The following NCOA1 variants were observed in gnomAD, a reference collection of about 807,000 sequenced individuals.
NCOA1 encodes the protein Hin-2 protein.
Under a neutral mutation model 150.9 loss-of-function variants are expected in NCOA1, and 35 were observed. The ratio of observed to expected loss-of-function variants is 0.23; its 90% CI spans 0.18 to 0.31. The LOEUF is 0.31. Ranked by LOEUF, NCOA1 falls within the 10% of genes least tolerant of loss-of-function variation. The pLI is 1.00. For synonymous variants in NCOA1, 590 were observed against 630.0 expected (o/e 0.94, Z 0.95); for missense variants, 1,491 against 1,749.3 (o/e 0.85, Z 2.63).
chr2:24,693,373 T>C (rs1558292372), intron 10 of NCOA1, 26 bp downstream of exon 10: 2 of 1,561,452 alleles, frequency 1.3e-6, no homozygotes, highest in Admixed American at 3.3e-5. Context: ...TTCAGAATGT[T>C]CCATAGGTAT....
chr2:24,596,649 A>G (rs1368616445), intron 3 of NCOA1, among the ~76,000 whole-genome samples: 1 of 152,218 alleles, frequency 6.6e-6, no homozygotes, highest in Non-Finnish European at 1.5e-5. Context: ...ATTTAGTAAT[A>G]TAAGATGGCA....
At chr2:24,559,676 G>C (rs1461774986) in intron 1 of NCOA1, among the ~76,000 whole-genome samples, 2 of 151,736 alleles carry the variant, frequency 1.3e-5, no homozygotes, top group Admixed American at 1.3e-4. Context: ...GTAGGTCATG[G>C]ACAGGAATAT....
At chr2:24,635,390 G>A (rs1457389852) in intron 3 of NCOA1, among the ~76,000 whole-genome samples, 4 of 152,086 alleles carry the variant, frequency 2.6e-5, no homozygotes, top group African/African-American at 9.7e-5. Context: ...GCATGAGCAA[G>A]CTGTTCTGGG....
At chr2:24,681,231 GC>G (rs1243440436) in intron 7 of NCOA1, among the ~76,000 whole-genome samples, 1 of 152,116 alleles carries the variant, frequency 6.6e-6, no homozygotes, top group African/African-American at 2.4e-5. Flanking sequence ...GGGCATGGTG[GC>G]ACATGCCTGT....
intron 4 of NCOA1, among the ~76,000 whole-genome samples, chr2:24,655,665 G>A (rs1426658830): frequency 6.6e-6 from 1 of 152,118 alleles, no homozygotes; most frequent in African/African-American, 2.4e-5. Context: ...AACTTAAGGA[G>A]GACAAGACCG....
At chr2:24,755,050 C>T (rs2148685353) in intron 20 of NCOA1, among the ~76,000 whole-genome samples, 1 of 152,302 alleles carries the variant, frequency 6.6e-6, no homozygotes, top group Non-Finnish European at 1.5e-5. Context: ...GCGTATATCA[C>T]CTGGAGACAG....
chr2:24,597,937 C>T (rs1211627296), intron 3 of NCOA1, among the ~76,000 whole-genome samples: 1 of 152,162 alleles, frequency 6.6e-6, no homozygotes. Flanking sequence ...TTTCCCCCCT[C>T]CCCACAACAG....
intron 8 of NCOA1, among the ~76,000 whole-genome samples, chr2:24,690,360 A>G (rs1672603529): frequency 6.6e-6 from 1 of 152,070 alleles, no homozygotes; most frequent in Non-Finnish European, 1.5e-5. Context: ...GGGAACAGTA[A>G]AAAAGCAGCC....
chr2:24,755,701 G>A (rs1030721305), intron 20 of NCOA1, among the ~76,000 whole-genome samples: 1 of 152,200 alleles, frequency 6.6e-6, no homozygotes, highest in Admixed American at 6.5e-5. Context: ...CCCTTAATGG[G>A]AGATGCTAAA....
At chr2:24,735,038 T>G (rs1469093387) in intron 17 of NCOA1, among the ~76,000 whole-genome samples, 3 of 152,192 alleles carry the variant, frequency 2.0e-5, no homozygotes, top group African/African-American at 4.8e-5. Flanking sequence ...AAATTAAATT[T>G]GATCCTCATC....
In NCOA1 at chr2:24,724,645, T is replaced by C. The variant is rs140787470; in HGVS notation, c.2600-1944T>C. ...ATTTTCTTAACATTTTTTTCAAGAC[T>C]AGTAAAATTAGATACTGTGTCCTAT... On this transcript the variant is annotated intron_variant, in intron 14 of 22. Coordinates refer to ENST00000348332, the MANE Select transcript of NCOA1 (RefSeq NM_003743.5). 6.6e-4 allele frequency among the ~76,000 whole-genome samples: 101 copies of C among 152,304 alleles called. 1 individual carries two copies. Among genetic ancestry groups the C allele is most frequent in the Non-Finnish European group, 5.9e-5 (4 of 67,992 alleles).
At chr2:24,633,145 TAC>T (rs906161156) in intron 3 of NCOA1, among the ~76,000 whole-genome samples, 1 of 151,858 alleles carries the variant, frequency 6.6e-6, no homozygotes, top group East Asian at 1.9e-4. Context: ...TACATATGCA[TAC>T]ACACACACAT....
chr2:24,748,209 A>G (rs1664036129), intron 19 of NCOA1, among the ~76,000 whole-genome samples: 1 of 152,230 alleles, frequency 6.6e-6, no homozygotes, highest in Admixed American at 6.5e-5. Flanking sequence ...ATGTAGCTTC[A>G]TTTATATAAT....
intron 18 of NCOA1, among the ~76,000 whole-genome samples, chr2:24,740,198 G>A (rs1172998950): frequency 2.0e-5 from 3 of 152,132 alleles, no homozygotes; most frequent in South Asian, 2.1e-4. Flanking sequence ...CCACAATATG[G>A]AACTAGATGG....
rs774531599 is a variant in NCOA1 at position 24,537,265 on chromosome 2, CACAG to C, written c.-395-27026_-395-27023del. On this transcript the variant is annotated intron_variant, in intron 1 of 22. Coordinates refer to ENST00000348332, the MANE Select transcript of NCOA1 (RefSeq NM_003743.5). ...ACACACACACACACACACACACACA[CACAG>C]ACACACAAACACGAAAATTATATAA... 2.3e-4 allele frequency among the ~76,000 whole-genome samples: 31 copies of C among 135,156 alleles called. 1 individual carries two copies. The highest frequency in any genetic ancestry group is 3.2e-4 in the Admixed American group (4 of 12,638). The allele number at this position is 135,156 out of a possible 152,430, so 88.7% of individuals were successfully genotyped here. A position where few individuals can be genotyped will look rare whatever the true frequency, so the allele number is the denominator to read the frequency against.
chr2:24,746,561 A>G (rs572670064), intron 19 of NCOA1, among the ~76,000 whole-genome samples: 67 of 152,298 alleles, frequency 4.4e-4, no homozygotes, highest in Non-Finnish European at 2.9e-5. Flanking sequence ...AAACAAACAT[A>G]GTCTAGGCAA....
At chr2:24,521,185 A>AT (rs1295487530) in intron 1 of NCOA1, among the ~76,000 whole-genome samples, 1 of 152,162 alleles carries the variant, frequency 6.6e-6, no homozygotes, top group East Asian at 1.9e-4. Flanking sequence ...GTATTTTGAT[A>AT]TATATATGTG....
chr2:24,563,522 CTT>C (rs1258979407), intron 1 of NCOA1, among the ~76,000 whole-genome samples: 7 of 145,138 alleles, frequency 4.8e-5, no homozygotes, highest in Admixed American at 6.9e-5. Flanking sequence ...AAATCTCTCT[CTT>C]TTTTTTTTTT....
At position 24,729,681 on chromosome 2, in the gene NCOA1, G is replaced by T; in HGVS notation, c.3067G>T (p.Val1023Phe). 6.2e-7 allele frequency: 1 copy of T among 1,614,162 alleles called. No homozygotes were observed. Among genetic ancestry groups the T allele is most frequent in the Non-Finnish European group, 8.5e-7 (1 of 1,180,032 alleles). ...AAAACCTTCACTGGGGACGATGCCT[G>T]TTCAAGTAACACCTCCCCGAGGTGC... is the stretch of plus-strand genomic sequence containing the variant. ...RQKPSLGTMPVQVTPPRGAFS... is the reference protein window; with the variant it reads ...RQKPSLGTMPFQVTPPRGAFS... The change falls in exon 17 of 23, where the codon GTT (valine) becomes TTT (phenylalanine). Residue 1023 changes from valine to phenylalanine, a missense_variant. By Grantham distance (50) the Val-to-Phe change is conservative (BLOSUM62 -1). Around this residue, in one of 8 missense-constraint regions of NCOA1, gnomAD observed 485 missense variants for 522.8 expected, o/e 0.93. Coordinates refer to ENST00000348332, the MANE Select transcript of NCOA1 (RefSeq NM_003743.5).
Sources: gnomAD v4.1 joint callset for allele counts (sites outside exome capture counted in the v4.1 genomes callset) on GRCh38, gnomAD v4.1.1 for gene constraint, gnomAD v4.1.1 regional missense constraint, MANE v1.5 for transcripts, NCBI Gene and HGNC (gene_info 2026-07-23, HGNC 2026-07-21) for gene names.